NGLY1: variants seen among roughly 807,000 people sequenced by gnomAD.
NGLY1 encodes peptide-N(4)-(N-acetyl-beta-glucosaminyl)asparagine amidase.
NGLY1 carries 68 observed loss-of-function variants against 84.6 expected under a neutral mutation model. The observed-to-expected ratio is 0.80, with a 90% CI of 0.66 to 0.98. The LOEUF (loss-of-function observed/expected upper bound fraction) is 0.98, where lower values mean the gene tolerates loss of function less well. NGLY1 is among the 50% of genes least tolerant of loss of function. The pLI, the probability that NGLY1 is intolerant of heterozygous loss-of-function variation, is 0.00. For missense variants in NGLY1, 779 were observed against 770.2 expected, an observed-to-expected ratio of 1.01 and a Z score of -0.14; for synonymous variants, 280 against 275.2, an observed-to-expected ratio of 1.02 and a Z score of -0.17.
chr3:25,784,768 T>C (rs183854305), upstream of NGLY1, among the ~76,000 whole-genome samples: 12 of 152,332 alleles, frequency 7.9e-5, no homozygotes, highest in African/African-American at 2.4e-4. Flanking sequence ...TTAATAAATA[T>C]GTAAATCTTT....
chr3:25,735,963 A>G, intron 7 of NGLY1, 41 bp downstream of exon 7: 1 of 1,501,224 alleles, frequency 6.7e-7, no homozygotes, highest in Non-Finnish European at 9.0e-7. Context: ...AAAAAAATAT[A>G]TTTTACTTTT....
intron 3 of NGLY1, among the ~76,000 whole-genome samples, chr3:25,757,292 G>A (rs973808249): frequency 1.2e-4 from 19 of 152,268 alleles, no homozygotes; most frequent in South Asian, 4.1e-4. Context: ...TTCTCAGGGA[G>A]GAAGCAAGTC....
At chr3:25,769,779 T>A (rs527606912) in intron 2 of NGLY1, among the ~76,000 whole-genome samples, 135 of 152,334 alleles carry the variant, frequency 8.9e-4, no homozygotes, top group Non-Finnish European at 1.7e-3. Flanking sequence ...TAAGCATTTT[T>A]AAATTTCTTT....
upstream of NGLY1, among the ~76,000 whole-genome samples, chr3:25,784,439 A>G (rs1304883348): frequency 6.6e-6 from 1 of 152,214 alleles, no homozygotes. Context: ...TAGGTAGATC[A>G]TGTGATCAAG....
chr3:25,750,038 G>A, intron 4 of NGLY1: 3 of 492,546 alleles, frequency 6.1e-6, no homozygotes, highest in Non-Finnish European at 1.1e-5. Flanking sequence ...ACCTGCAACT[G>A]GGTAATTTAT....
At chr3:25,738,647 A>C (rs1379030810) in intron 5 of NGLY1, among the ~76,000 whole-genome samples, 1 of 151,766 alleles carries the variant, frequency 6.6e-6, no homozygotes, top group Non-Finnish European at 1.5e-5. Flanking sequence ...TTTGAGACAA[A>C]GTCTCAAGTC....
intron 4 of NGLY1, among the ~76,000 whole-genome samples, chr3:25,747,142 C>T (rs1163010541): frequency 1.3e-5 from 2 of 152,200 alleles, no homozygotes; most frequent in Admixed American, 1.3e-4. Context: ...TTTGAATTCT[C>T]ATCTTCTATT....
At chr3:25,733,466 CGTGTGTGTGTGTGTGTGTGTGTGTGTGT>C (rs60529800) in intron 8 of NGLY1, among the ~76,000 whole-genome samples, 4 of 134,124 alleles carry the variant, frequency 3.0e-5, no homozygotes, top group Non-Finnish European at 6.4e-5. Flanking sequence ...CTCACATGGA[CGTGTGTGTGTGTGTGTGTGTGTGTGTGT>C]GTGTGTGTGT....
intron 4 of NGLY1, among the ~76,000 whole-genome samples, chr3:25,746,763 C>A (rs1706456721): frequency 6.6e-6 from 1 of 152,190 alleles, no homozygotes; most frequent in African/African-American, 2.4e-5. Flanking sequence ...ATATGATGGA[C>A]ACAAACAGGA....
chr3:25,780,975 AT>A (rs796770435), intron 1 of NGLY1, among the ~76,000 whole-genome samples: 11 of 149,056 alleles, frequency 7.4e-5, no homozygotes, highest in East Asian at 2.0e-4. Context: ...TCTAGTGAGC[AT>A]TTTTTTTTTC....
At chr3:25,732,192 T>C in intron 9 of NGLY1, 127 bp downstream of exon 9, 1 of 771,008 alleles carries the variant, frequency 1.3e-6, no homozygotes, top group Non-Finnish European at 2.0e-6. Context: ...AATGTTTGCA[T>C]TTTAAAATAA....
At position 25,764,371 on chromosome 3, in the gene NGLY1, GCA is replaced by G. The variant is rs1311180288; in HGVS notation, c.247-62_247-61del. On this transcript the variant is annotated intron_variant, in intron 2 of 11. Coordinates refer to ENST00000280700, the MANE Select transcript of NGLY1 (RefSeq NM_018297.4). ...TTGCTTTATGCAGTCATTCTTTTGT[GCA>G]CACACACACAGAAATGTATAATGAA... The G allele has an allele frequency of 1.1e-4, 172 of 1,509,416 alleles. No homozygotes were observed. The Middle Eastern group carries it at 1.8e-3, about 15-fold the overall frequency. The allele number at this position is 1,509,416 out of a possible 1,614,324, so 93.5% of individuals were successfully genotyped here. A position where few individuals can be genotyped will look rare whatever the true frequency, so the allele number is the denominator to read the frequency against.
At chr3:25,768,891 A>C (rs751927735) in intron 2 of NGLY1, among the ~76,000 whole-genome samples, 1 of 152,106 alleles carries the variant, frequency 6.6e-6, no homozygotes, top group Non-Finnish European at 1.5e-5. Flanking sequence ...AAATTGACAA[A>C]AGGTATCACA....
intron 7 of NGLY1, 124 bp from the exon 8 acceptor site, chr3:25,734,106 G>T (rs892366458): frequency 7.3e-7 from 1 of 1,363,172 alleles, no homozygotes; most frequent in Non-Finnish European, 9.9e-7. Context: ...TCGCTCTGTT[G>T]TCCAGGCTAG....
chr3:25,752,733 G>A (rs2125517792), intron 3 of NGLY1, among the ~76,000 whole-genome samples: 1 of 151,916 alleles, frequency 6.6e-6, no homozygotes, highest in East Asian at 1.9e-4. Context: ...TAGATCGTTT[G>A]AGCCCAGGAG....
rs569696506 is a variant in NGLY1 at position 25,766,723 on chromosome 3, C to G, written c.247-2412G>C. ...ATCTCATAATGTTACTGGAACAGCA[C>G]TGAGAAAGGCAAACAACTCCATGGA... On this transcript the variant is annotated intron_variant, in intron 2 of 11. Transcript: ENST00000280700. Among the ~76,000 whole-genome samples, 3 of 152,198 alleles carry G rather than the reference C, an allele frequency of 2.0e-5. 1 individual carries two copies. Among genetic ancestry groups the G allele is most frequent in the African/African-American group, 7.2e-5 (3 of 41,516 alleles).
chr3:25,749,513 A>T, intron 4 of NGLY1: 1 of 1,579,738 alleles, frequency 6.3e-7, no homozygotes. Flanking sequence ...CCCCTTGTGA[A>T]GCCCAAGATC....
chr3:25,764,454 T>A (rs1707464032), intron 2 of NGLY1, 143 bp from the exon 3 acceptor site: 4 of 937,490 alleles, frequency 4.3e-6, no homozygotes, highest in Non-Finnish European at 6.2e-6. Context: ...ACCATTATGG[T>A]TCTTTTTAAA....
At chr3:25,770,731 ATTCT>A (rs1707851911) in intron 2 of NGLY1, among the ~76,000 whole-genome samples, 1 of 151,992 alleles carries the variant, frequency 6.6e-6, no homozygotes, top group African/African-American at 2.4e-5. Flanking sequence ...TTATTTTTTG[ATTCT>A]TTAATTATGG....
Sources: allele counts gnomAD v4.1 joint callset (sites outside exome capture counted in the v4.1 genomes callset), GRCh38; gene constraint gnomAD v4.1.1; transcripts MANE v1.5; gene names NCBI Gene and HGNC (gene_info 2026-07-23, HGNC 2026-07-21).